RTF1: variants seen among roughly 807,000 people sequenced by gnomAD.
RTF1 encodes RTF1 homolog, Paf1/RNA polymerase II complex component.
RTF1 carries 10 observed loss-of-function variants against 95.7 expected under a neutral mutation model. The ratio of observed to expected loss-of-function variants is 0.10; its 90% CI spans 0.06 to 0.18. The LOEUF is 0.18. Among genes scored for constraint, RTF1 ranks in the 10% least tolerant of loss-of-function variants. The pLI is 1.00. For synonymous variants in RTF1, 305 were observed against 311.8 expected, an observed-to-expected ratio of 0.98 and a Z score of 0.23; for missense variants, 458 against 875.6, an observed-to-expected ratio of 0.52 and a Z score of 6.02.
intron 16 of RTF1, among the ~76,000 whole-genome samples, chr15:41,479,966 C>T (rs746221814): frequency 2.6e-5 from 4 of 152,026 alleles, no homozygotes; most frequent in Non-Finnish European, 5.9e-5. Flanking sequence ...GGAAGTGACC[C>T]GTTGCTTAAG....
chr15:41,439,535 T>G (rs1287081046), intron 2 of RTF1, among the ~76,000 whole-genome samples: 1 of 152,158 alleles, frequency 6.6e-6, no homozygotes, highest in African/African-American at 2.4e-5. Context: ...AAGGTCACTT[T>G]CCCAAATTAC....
intron 2 of RTF1, chr15:41,448,846 G>T (rs1228592023): frequency 6.6e-6 from 1 of 152,040 alleles, no homozygotes; most frequent in Admixed American, 6.6e-5. Flanking sequence ...AGCGAGCAGA[G>T]ATTATTTTTT....
At chr15:41,449,075 A>G (rs2050777376) in intron 2 of RTF1, among the ~76,000 whole-genome samples, 1 of 151,658 alleles carries the variant, frequency 6.6e-6, no homozygotes. Context: ...TGTAAAGACT[A>G]GGTTTCACCA....
rs1566851903 is a variant in RTF1, at chr15:41,481,522, A to G, written c.*835A>G. ...CCCATCCTTTCCCAACTTTGGAGAA[A>G]ACTCCCCAGTTTAGCCCCCTGACCT... is the stretch of plus-strand genomic sequence containing the variant. On this transcript the variant is annotated 3_prime_UTR_variant, in exon 18 of 18. Transcript: ENST00000389629. 1 of 152,462 alleles carries G rather than the reference A, an allele frequency of 6.6e-6. No homozygotes were observed. The highest frequency in any genetic ancestry group is 2.4e-5 in the African/African-American group (1 of 41,370). 9.4% of individuals were successfully genotyped at this position (152,462 alleles called of 1,614,324 possible).
At chr15:41,476,633 G>C in intron 12 of RTF1, 110 bp downstream of exon 12, 2 of 997,324 alleles carry the variant, frequency 2.0e-6, no homozygotes, top group Non-Finnish European at 3.1e-6. Flanking sequence ...AAAATTCTGG[G>C]CTCGATTATA....
rs554553683 is a variant in RTF1 at position 41,423,279 on chromosome 15, A to G, written c.198+5966A>G. 5.3e-5 allele frequency among the ~76,000 whole-genome samples: 8 copies of G among 152,320 alleles called. No individual in the cohort carries two copies. The South Asian group carries it at 1.7e-3, about 32-fold the overall frequency. Reference sequence around the variant, plus strand: ...TGAGAAGTGTCAGTGTTAATTTGTGAAAACTTTAATTTGTGTCATGTTGCA... The same window carrying G: ...TGAGAAGTGTCAGTGTTAATTTGTGGAAACTTTAATTTGTGTCATGTTGCA... On this transcript the variant is annotated intron_variant, in intron 1 of 17. Coordinates refer to ENST00000389629, the MANE Select transcript of RTF1 (RefSeq NM_015138.5).
At chr15:41,446,677 G>GCCAC (rs1375091559) in intron 2 of RTF1, among the ~76,000 whole-genome samples, 1 of 152,166 alleles carries the variant, frequency 6.6e-6, no homozygotes, top group Non-Finnish European at 1.5e-5. Context: ...TACCCTGGTA[G>GCCAC]GTGGTCAAGG....
rs188937849 is a variant in RTF1 at position 41,449,421 on chromosome 15, C to T, written c.310-3480C>T. ...AATTTTTTTGCATTTTTAGTAGAGA[C>T]GGGGTTTCACCGTGTTAGCCAGGAT... On this transcript the variant is annotated intron_variant, in intron 2 of 17. Transcript: ENST00000389629. 2.4e-3 allele frequency among the ~76,000 whole-genome samples: 363 copies of T among 152,032 alleles called. 1 individual carries two copies. The highest frequency in any genetic ancestry group is 8.2e-3 in the African/African-American group (342 of 41,484).
At chr15:41,449,543 A>G (rs74819958) in intron 2 of RTF1, among the ~76,000 whole-genome samples, 2,539 of 152,072 alleles carry the variant, frequency 0.017, 84 homozygotes, top group African/African-American at 0.059. Flanking sequence ...GGGTCTTGCT[A>G]TGTTTCACAG....
intron 1 of RTF1, among the ~76,000 whole-genome samples, chr15:41,424,941 G>A (rs1295248933): frequency 6.9e-6 from 1 of 145,684 alleles, no homozygotes; most frequent in African/African-American, 2.5e-5. Context: ...CCTAGGAGGC[G>A]GAGGTTGCAG....
chr15:41,439,580 C>T (rs1310034897), intron 2 of RTF1, among the ~76,000 whole-genome samples: 1 of 152,158 alleles, frequency 6.6e-6, no homozygotes, highest in Non-Finnish European at 1.5e-5. Flanking sequence ...AGATCCAAAA[C>T]CTTAATGGAA....
chr15:41,483,259 G>A lies in RTF1; in HGVS notation c.*2572G>A, dbSNP rs2050987729. 6.6e-6 allele frequency: 1 copy of A among 152,568 alleles called. No homozygotes were observed. Among genetic ancestry groups the A allele is most frequent in the South Asian group, 2.1e-4 (1 of 4,814 alleles). 9.5% of individuals were successfully genotyped at this position (152,568 alleles called of 1,614,324 possible). A position where few individuals can be genotyped will look rare whatever the true frequency, so the allele number is the denominator to read the frequency against. On this transcript the variant is annotated 3_prime_UTR_variant, in exon 18 of 18. Coordinates refer to ENST00000389629, the MANE Select transcript of RTF1 (RefSeq NM_015138.5). Reference sequence around the variant, plus strand: ...GGTGGTTCACACTATTTCTTGTGCTGGGGAATTCCCTCATTGGGCCCCTCC... The same window carrying A: ...GGTGGTTCACACTATTTCTTGTGCTAGGGAATTCCCTCATTGGGCCCCTCC...
intron 6 of RTF1, among the ~76,000 whole-genome samples, chr15:41,468,609 A>G (rs34040639): frequency 0.21 from 31,942 of 151,944 alleles, 3,713 homozygotes; most frequent in Non-Finnish European, 0.26. Flanking sequence ...GAGCCACCGC[A>G]CCCGGCCTAA....
chr15:41,446,568 A>AGTT (rs570834373), intron 2 of RTF1, among the ~76,000 whole-genome samples: 1 of 115,922 alleles, frequency 8.6e-6, no homozygotes, highest in African/African-American at 3.4e-5. Context: ...AAAAAAAAAA[A>AGTT]ATTATTTTCA....
At chr15:41,419,993 G>C (rs1282601618) in intron 1 of RTF1, among the ~76,000 whole-genome samples, 3 of 151,972 alleles carry the variant, frequency 2.0e-5, no homozygotes, top group Non-Finnish European at 4.4e-5. Context: ...CTAATTTTTT[G>C]TATTTTTAGT....
chr15:41,429,305 C>G (rs374485824), intron 1 of RTF1, among the ~76,000 whole-genome samples: 6 of 152,212 alleles, frequency 3.9e-5, no homozygotes, highest in African/African-American at 1.2e-4. Context: ...TCCTCGTCAT[C>G]TCGTAGATCC....
intron 3 of RTF1, 73 bp from the exon 4 acceptor site, chr15:41,457,599 T>A (rs767281905): frequency 1.1e-5 from 14 of 1,292,866 alleles, no homozygotes; most frequent in Non-Finnish European, 1.6e-5. Flanking sequence ...GGTGATGTTG[T>A]CAACATTGTG....
chr15:41,438,557 G>A lies in RTF1; in HGVS notation c.309+126G>A, dbSNP rs2050716762. 5.1e-6 allele frequency: 3 copies of A among 590,578 alleles called. No homozygotes were observed. In the South Asian group the frequency reaches 6.9e-5, roughly 14 times the overall value. 36.6% of individuals were successfully genotyped at this position (590,578 alleles called of 1,614,324 possible). A position where few individuals can be genotyped will look rare whatever the true frequency, so the allele number is the denominator to read the frequency against. ...CCTAAGATCTACAAGAATTTATTGG[G>A]GAAAGAAAATGGTGTAAGGAAGGCC... is the stretch of plus-strand genomic sequence containing the variant. On this transcript the variant is annotated intron_variant, in intron 2 of 17. Coordinates refer to ENST00000389629, the MANE Select transcript of RTF1 (RefSeq NM_015138.5).
intron 7 of RTF1, among the ~76,000 whole-genome samples, chr15:41,470,948 T>G (rs2140651724): frequency 6.6e-6 from 1 of 152,246 alleles, no homozygotes; most frequent in Non-Finnish European, 1.5e-5. Flanking sequence ...TCATTCATTT[T>G]CTTACTCTGA....
Sources: gnomAD v4.1 joint callset for allele counts (sites outside exome capture counted in the v4.1 genomes callset) on GRCh38, gnomAD v4.1.1 for gene constraint, MANE v1.5 for transcripts, NCBI Gene and HGNC (gene_info 2026-07-23, HGNC 2026-07-21) for gene names.